The following MAP4 variants were observed in gnomAD, a reference collection of about 807,000 sequenced individuals.
MAP4 encodes microtubule-associated protein 4.
In MAP4, 76 loss-of-function variants were observed where a neutral mutation model predicts 170.2. That is an observed-to-expected ratio of 0.45 (90% CI 0.37 to 0.54). The LOEUF (loss-of-function observed/expected upper bound fraction) is 0.54, where lower values mean the gene tolerates loss of function less well. Ranked by LOEUF, MAP4 falls within the 20% of genes least tolerant of loss-of-function variation. The pLI, the probability that MAP4 is intolerant of heterozygous loss-of-function variation, is 0.00. For synonymous variants in MAP4, 909 were observed against 994.5 expected (o/e 0.91, Z 1.62); for missense variants, 2,506 against 2,748.0 (o/e 0.91, Z 1.97).
rs2100041154 is a variant in MAP4, at chr3:47,918,857, A to C, written c.530-16T>G. The C allele has an allele frequency of 6.2e-7, 1 of 1,603,026 alleles. No homozygotes were observed. The highest frequency in any genetic ancestry group is 8.5e-7 in the Non-Finnish European group (1 of 1,172,796). On this transcript the variant is annotated splice_polypyrimidine_tract_variant and intron_variant, in intron 5 of 20. Transcript: ENST00000683076. ...GGAGACATACCTAATATTGAAACAC[A>C]AACAAATACATTTTGAAACTTAGTA...
At chr3:47,983,820 C>T (rs1310001940) in intron 2 of MAP4, among the ~76,000 whole-genome samples, 2 of 152,146 alleles carry the variant, frequency 1.3e-5, no homozygotes, top group African/African-American at 2.4e-5. Flanking sequence ...TGATCAGCCT[C>T]GTCCACTGAG....
chr3:47,890,043 G>A (rs561019353), intron 10 of MAP4, among the ~76,000 whole-genome samples: 1 of 151,598 alleles, frequency 6.6e-6, no homozygotes, highest in Non-Finnish European at 1.5e-5. Flanking sequence ...AAAATATACT[G>A]AGAGTAATAA....
chr3:48,017,750 CTGTGACTGCTTTTT>C (rs2100108520), upstream of MAP4, among the ~76,000 whole-genome samples: 1 of 152,200 alleles, frequency 6.6e-6, no homozygotes, highest in Non-Finnish European at 1.5e-5. Context: ...ACCACCTTTT[CTGTGACTGCTTTTT>C]AGAATCTTTC....
chr3:47,869,673 C>T (rs1287270911), intron 15 of MAP4, among the ~76,000 whole-genome samples: 1 of 152,092 alleles, frequency 6.6e-6, no homozygotes, highest in Admixed American at 6.5e-5. Flanking sequence ...TACCCCCCAC[C>T]CCATGCCAAA....
chr3:48,033,848 C>T (rs2100117431), intron 1 of MAP4, among the ~76,000 whole-genome samples: 1 of 152,056 alleles, frequency 6.6e-6, no homozygotes, highest in Non-Finnish European at 1.5e-5. Context: ...GGTGATCTGC[C>T]CGCCTCAACC....
chr3:48,009,920 G>C (rs572774549), intron 1 of MAP4, among the ~76,000 whole-genome samples: 1 of 152,254 alleles, frequency 6.6e-6, no homozygotes, highest in Admixed American at 6.5e-5. Context: ...GACACTTTGG[G>C]CTCCTCCTCC....
intron 1 of MAP4, among the ~76,000 whole-genome samples, chr3:47,999,226 A>G (rs2100097880): frequency 6.6e-6 from 1 of 152,216 alleles, no homozygotes. Flanking sequence ...AGTAAGATTC[A>G]AATCAGGTCT....
chr3:47,898,599 G>A (rs921470162), intron 10 of MAP4, among the ~76,000 whole-genome samples: 5 of 152,044 alleles, frequency 3.3e-5, no homozygotes, highest in African/African-American at 4.8e-5. Context: ...CAAATGAGGT[G>A]AATGCCACCT....
chr3:47,883,529 C>T (rs1169143269), intron 10 of MAP4, among the ~76,000 whole-genome samples: 3 of 152,164 alleles, frequency 2.0e-5, no homozygotes, highest in African/African-American at 7.2e-5. Context: ...CTGGCTATTT[C>T]CATATTTTTA....
chr3:48,068,378 T>C (rs532195667), intron 1 of MAP4, among the ~76,000 whole-genome samples: 19 of 152,112 alleles, frequency 1.2e-4, no homozygotes, highest in African/African-American at 4.6e-4. Context: ...CAAAGCACCA[T>C]GATCTCCTTA....
At chr3:48,027,809 G>C (rs139577888) in intron 1 of MAP4, among the ~76,000 whole-genome samples, 2 of 152,284 alleles carry the variant, frequency 1.3e-5, no homozygotes, top group African/African-American at 4.8e-5. Context: ...CTGCACCTCA[G>C]CCTTGGGTGA....
chr3:47,855,414 G>A lies in MAP4; in HGVS notation c.6584-54C>T, dbSNP rs763819992. 24 of 1,070,170 alleles carry A rather than the reference G, an allele frequency of 2.2e-5. No homozygotes were observed. Among genetic ancestry groups the A allele is most frequent in the Non-Finnish European group, 3.5e-5 (24 of 684,092 alleles). 66.3% of individuals were successfully genotyped at this position (1,070,170 alleles called of 1,614,324 possible). A position where few individuals can be genotyped will look rare whatever the true frequency, so the allele number is the denominator to read the frequency against. ...GGGTGGCAGAGGAATATCCCTGCAG[G>A]CAAAACCAGGACTAGCGATATGCCC... On this transcript the variant is annotated intron_variant, in intron 18 of 20. Coordinates refer to ENST00000683076, the MANE Select transcript of MAP4 (RefSeq NM_001385682.1). The surrounding 1 kb of genome is among the most constrained non-coding windows in gnomAD (Gnocchi z 5.1).
intron 1 of MAP4, among the ~76,000 whole-genome samples, chr3:48,003,344 C>A (rs1359685835): frequency 6.6e-6 from 1 of 151,220 alleles, no homozygotes; most frequent in African/African-American, 2.4e-5. Flanking sequence ...ATCCCAGCTG[C>A]TCGGGAGGCT....
At chr3:48,085,688 G>A (rs769878145) in intron 1 of MAP4, among the ~76,000 whole-genome samples, 23 of 152,190 alleles carry the variant, frequency 1.5e-4, no homozygotes, top group African/African-American at 4.8e-4. Flanking sequence ...CTGGGAGGCC[G>A]AGGTAGGTGG....
rs749161668 is a variant in MAP4 at position 47,917,141 on chromosome 3, G to C, written c.686C>G (p.Ala229Gly). The change falls in exon 7 of 21, where the codon GCA becomes GGA. Residue 229 changes from alanine to glycine, a missense_variant. By Grantham distance (60) the Ala-to-Gly change is moderately conservative (BLOSUM62 0). This residue lies in a region of MAP4 where 2,008 missense variants were observed against 2,206.0 expected (regional missense o/e 0.91). Transcript: ENST00000683076. ...TTGTGCTGGTGGCCTCTCTTCTGAT[G>C]CCATTTCTATCTCCTTGGCTAGCTC... Reference protein sequence around the residue: ...PLELAKEIEMASEERPPAQAL... With the variant: ...PLELAKEIEMGSEERPPAQAL... The C allele has an allele frequency of 1.2e-6, 2 of 1,613,958 alleles. No individual in the cohort carries two copies. Among genetic ancestry groups the C allele is most frequent in the South Asian group, 2.2e-5 (2 of 91,072 alleles).
intron 1 of MAP4, among the ~76,000 whole-genome samples, chr3:48,034,891 T>C (rs760279790): frequency 4.6e-5 from 7 of 151,948 alleles, no homozygotes; most frequent in Non-Finnish European, 1.0e-4. Context: ...CACATGCCTG[T>C]AATCCCAGCT....
At chr3:47,948,200 T>C (rs889496665) in intron 3 of MAP4, among the ~76,000 whole-genome samples, 15 of 151,382 alleles carry the variant, frequency 9.9e-5, no homozygotes, top group Admixed American at 3.3e-4. Flanking sequence ...GATTTCGCCA[T>C]GTTGGGAAGG....
chr3:48,013,447 T>A (rs1027620698), intron 1 of MAP4: 2 of 152,184 alleles, frequency 1.3e-5, no homozygotes, highest in African/African-American at 4.8e-5. Flanking sequence ...TATGCTTTAC[T>A]GAAGCACCAG....
At chr3:47,932,321 T>C (rs2100050337) in intron 3 of MAP4, among the ~76,000 whole-genome samples, 1 of 130,856 alleles carries the variant, frequency 7.6e-6, no homozygotes, top group Non-Finnish European at 1.7e-5. Context: ...ACTTTGTTTA[T>C]CCATTAATCA....
Sources: gnomAD v4.1 joint callset for allele counts (sites outside exome capture counted in the v4.1 genomes callset) on GRCh38, gnomAD v4.1.1 for gene constraint, gnomAD v4.1.1 regional missense constraint, Gnocchi (gnomAD v3.1) non-coding constraint, MANE v1.5 for transcripts, NCBI Gene and HGNC (gene_info 2026-07-23, HGNC 2026-07-21) for gene names.